The following SAMD12 variants were observed in gnomAD, a reference collection of about 807,000 sequenced individuals.
The protein encoded by SAMD12 is sterile alpha motif domain containing 12, also known as sterile alpha motif domain-containing protein 12.
In SAMD12, 9 loss-of-function variants were observed where a neutral mutation model predicts 15.0. That is an observed-to-expected ratio of 0.60 (90% confidence interval 0.36 to 1.05). The LOEUF is 1.05. Ranked by LOEUF, SAMD12 falls within the 50% of genes least tolerant of loss-of-function variation. The pLI is 0.01. For missense variants in SAMD12, 230 were observed against 234.2 expected, an observed-to-expected ratio of 0.98 and a Z score of 0.12; for synonymous variants, 86 against 90.1, an observed-to-expected ratio of 0.96 and a Z score of 0.25.
At chr8:118,390,166 C>T (rs1384887140) in intron 3 of SAMD12, among the ~76,000 whole-genome samples, 1 of 146,566 alleles carries the variant, frequency 6.8e-6, no homozygotes, top group Non-Finnish European at 1.5e-5. Flanking sequence ...GCCACCATGC[C>T]TGGATAATGT....
chr8:118,437,801 T>C (rs1172745262), intron 3 of SAMD12, among the ~76,000 whole-genome samples: 2 of 152,200 alleles, frequency 1.3e-5, no homozygotes, highest in Non-Finnish European at 2.9e-5. Flanking sequence ...GTGGGACCAT[T>C]TATTCCATAA....
Position 118,580,704 on chromosome 8 carries a change from A to G in SAMD12, c.192+11T>C. ...TTTCAAATCTCCGTAATTAACTGGAATATTACGCACCTTAGCCGTCTCAGC... is the reference window on the plus strand; with the variant it reads ...TTTCAAATCTCCGTAATTAACTGGAGTATTACGCACCTTAGCCGTCTCAGC... On this transcript the variant is annotated intron_variant, in intron 2 of 3. Transcript: ENST00000314727. 8 of 1,601,408 alleles carry G rather than the reference A, an allele frequency of 5.0e-6. No homozygotes were observed. Among genetic ancestry groups the G allele is most frequent in the Non-Finnish European group, 6.0e-6 (7 of 1,170,376 alleles).
the SAMD12 span, among the ~76,000 whole-genome samples, chr8:118,160,184 T>G: frequency 6.6e-6 from 1 of 152,336 alleles, no homozygotes; most frequent in South Asian, 2.1e-4. Flanking sequence ...TGACAAAAGA[T>G]ATATAATACC....
chr8:118,334,656 A>C (rs1420297364), intron 4 of SAMD12, among the ~76,000 whole-genome samples: 18 of 152,100 alleles, frequency 1.2e-4, no homozygotes. Flanking sequence ...AGTGCAGTGG[A>C]GCGATCATGG....
At chr8:118,441,302 T>A (rs1455094448) in intron 2 of SAMD12, among the ~76,000 whole-genome samples, 3 of 152,230 alleles carry the variant, frequency 2.0e-5, no homozygotes, top group Non-Finnish European at 2.9e-5. Context: ...CTTTGTTTTT[T>A]AAACAAATTT....
At chr8:118,617,268 C>A (rs1348042485) in intron 1 of SAMD12, among the ~76,000 whole-genome samples, 4 of 152,258 alleles carry the variant, frequency 2.6e-5, no homozygotes, top group Admixed American at 6.5e-5. Flanking sequence ...CCAGTGTTTA[C>A]CGTGACTGCT....
intron 4 of SAMD12, among the ~76,000 whole-genome samples, chr8:118,303,489 G>T (rs925138569): frequency 4.6e-5 from 7 of 152,208 alleles, no homozygotes; most frequent in African/African-American, 1.7e-4. Context: ...TCACGTATCT[G>T]ATTAGAGAGG....
the SAMD12 span, among the ~76,000 whole-genome samples, chr8:118,135,021 G>C: frequency 6.6e-6 from 1 of 152,154 alleles, no homozygotes; most frequent in Admixed American, 6.5e-5. Context: ...TGCTGCTGCT[G>C]GTCCAGAAAC....
chr8:118,181,521 A>AC, the SAMD12 span, among the ~76,000 whole-genome samples: 2 of 152,074 alleles, frequency 1.3e-5, no homozygotes, highest in African/African-American at 4.8e-5. Context: ...GTAGCATGTG[A>AC]CCCCAAAATG....
At chr8:118,273,368 A>T (rs1813410099) in intron 4 of SAMD12, among the ~76,000 whole-genome samples, 1 of 152,152 alleles carries the variant, frequency 6.6e-6, no homozygotes, top group Non-Finnish European at 1.5e-5. Context: ...GCACATGGAG[A>T]TTATGGGAGC....
At chr8:118,559,957 A>G (rs923611171) in intron 2 of SAMD12, among the ~76,000 whole-genome samples, 2 of 152,238 alleles carry the variant, frequency 1.3e-5, no homozygotes, top group Admixed American at 6.5e-5. Flanking sequence ...AACTAAAACT[A>G]TATCAGAAAC....
At chr8:118,615,792 A>C (rs1828225413) in intron 1 of SAMD12, among the ~76,000 whole-genome samples, 1 of 152,220 alleles carries the variant, frequency 6.6e-6, no homozygotes. Context: ...GCAGATGAGA[A>C]AGAAAGGGTG....
chr8:118,588,746 C>T (rs1015453325), intron 1 of SAMD12, among the ~76,000 whole-genome samples: 1 of 152,138 alleles, frequency 6.6e-6, no homozygotes, highest in East Asian at 1.9e-4. Flanking sequence ...TAACCCCAGC[C>T]TCCTTTACTC....
chr8:118,137,915 C>T, the SAMD12 span, among the ~76,000 whole-genome samples: 10 of 88,784 alleles, frequency 1.1e-4, no homozygotes, highest in East Asian at 2.0e-3. Flanking sequence ...TAAAAATACA[C>T]ATGAGAAAGC....
At chr8:118,212,685 T>A (rs1811863187) in intron 4 of SAMD12, among the ~76,000 whole-genome samples, 1 of 152,200 alleles carries the variant, frequency 6.6e-6, no homozygotes, top group Non-Finnish European at 1.5e-5. Context: ...CAAGACACAT[T>A]TTTCCTTCAA....
chr8:118,303,560 ATCC>A (rs897209822), intron 4 of SAMD12, among the ~76,000 whole-genome samples: 1 of 152,224 alleles, frequency 6.6e-6, no homozygotes, highest in African/African-American at 2.4e-5. Context: ...AGGAAACAAA[ATCC>A]TCCTCTGTCT....
In SAMD12 at chr8:118,506,086, G is replaced by A. The variant is rs367976078; in HGVS notation, c.193-66125C>T. 2.3e-4 allele frequency among the ~76,000 whole-genome samples: 35 copies of A among 152,154 alleles called. 1 individual carries two copies. The East Asian group carries it at 3.5e-3, about 15-fold the overall frequency. ...ACCTGCAGTCACATTCATTGTCTCG[G>A]TTAATTGCTAACAGAACACTGGTCC... On this transcript the variant is annotated intron_variant, in intron 2 of 3. Transcript: ENST00000314727.
At chr8:118,204,442 G>A (rs1043798477) in intron 4 of SAMD12, among the ~76,000 whole-genome samples, 2 of 152,048 alleles carry the variant, frequency 1.3e-5, no homozygotes, top group African/African-American at 2.4e-5. Flanking sequence ...CCCTCTGACC[G>A]CATGAAGATG....
chr8:118,281,045 T>C (rs1027751208), intron 4 of SAMD12, among the ~76,000 whole-genome samples: 3 of 152,186 alleles, frequency 2.0e-5, no homozygotes, highest in African/African-American at 7.2e-5. Flanking sequence ...TCACATATTA[T>C]CTGAATTCAA....
Sources: gnomAD v4.1 joint callset for allele counts (sites outside exome capture counted in the v4.1 genomes callset) on GRCh38, gnomAD v4.1.1 for gene constraint, MANE v1.5 for transcripts, NCBI Gene and HGNC (gene_info 2026-07-23, HGNC 2026-07-21) for gene names.